The following CLEC6A variants were observed in gnomAD, a reference collection of about 807,000 sequenced individuals.
CLEC6A encodes C-type lectin domain containing 6A.
CLEC6A carries 22 observed loss-of-function variants against 25.7 expected under a neutral mutation model. The observed-to-expected ratio is 0.85, with a 90% CI of 0.61 to 1.22. The LOEUF (loss-of-function observed/expected upper bound fraction) is 1.22. Ranked by LOEUF, CLEC6A falls within the 50% of genes most tolerant of loss-of-function variation. CLEC6A has a pLI of 0.00. For synonymous variants in CLEC6A, 92 were observed against 76.7 expected (o/e 1.20, Z -1.04); for missense variants, 240 against 236.8 (o/e 1.01, Z -0.09).
intron 4 of CLEC6A, among the ~76,000 whole-genome samples, chr12:8,469,230 A>G (rs1356420537): frequency 6.6e-6 from 1 of 152,204 alleles, no homozygotes; most frequent in Non-Finnish European, 1.5e-5. Context: ...TTAACCAAGG[A>G]GGTGAAAGAC....
intron 4 of CLEC6A, among the ~76,000 whole-genome samples, chr12:8,467,241 T>C (rs1939845362): frequency 6.6e-6 from 1 of 152,226 alleles, no homozygotes; most frequent in Non-Finnish European, 1.5e-5. Flanking sequence ...CCCCATGATT[T>C]TGGTTTCATA....
At chr12:8,459,172 T>C (rs4264222) in intron 2 of CLEC6A, among the ~76,000 whole-genome samples, 112,038 of 151,878 alleles carry the variant, frequency 0.74, 42,033 homozygotes, top group East Asian at 0.99. Context: ...TAGGTGTTTG[T>C]GATTAAAAAA....
chr12:8,462,151 A>G (rs372877930), intron 3 of CLEC6A, among the ~76,000 whole-genome samples: 1 of 151,988 alleles, frequency 6.6e-6, no homozygotes, highest in Non-Finnish European at 1.5e-5. Flanking sequence ...TGTTAAACAG[A>G]TGCTTGAAGG....
At chr12:8,458,072 C>T in intron 2 of CLEC6A, 85 bp downstream of exon 2, 1 of 911,934 alleles carries the variant, frequency 1.1e-6, no homozygotes, top group Non-Finnish European at 1.8e-6. Flanking sequence ...TTCTCCTTTG[C>T]CCCATTAATA....
chr12:8,464,418 C>T (rs1939803363), intron 3 of CLEC6A, among the ~76,000 whole-genome samples: 1 of 151,856 alleles, frequency 6.6e-6, no homozygotes, highest in African/African-American at 2.4e-5. Context: ...TAAGCTCCGC[C>T]TCCTGGGTTC....
chr12:8,459,008 C>T (rs1159015256), intron 2 of CLEC6A, among the ~76,000 whole-genome samples: 2 of 152,140 alleles, frequency 1.3e-5, no homozygotes, highest in Non-Finnish European at 2.9e-5. Context: ...GGTTACTTAG[C>T]CCATATGTTT....
chr12:8,475,845 A>G (rs1317601202), intron 4 of CLEC6A, among the ~76,000 whole-genome samples: 1 of 152,166 alleles, frequency 6.6e-6, no homozygotes. Context: ...AAAAAGATTG[A>G]AAACACAAAA....
chr12:8,463,768 C>T (rs1258364810), intron 3 of CLEC6A, among the ~76,000 whole-genome samples: 1 of 152,168 alleles, frequency 6.6e-6, no homozygotes, highest in African/African-American at 2.4e-5. Context: ...TGATTTACAC[C>T]TGCTACTTTC....
rs181189990 is a variant in CLEC6A, at chr12:8,478,117, C to T, written c.*653C>T. ...CTGAGAAATATGTGTTAAGATCTCTCGCTGATTGGGAATTTGTCTATTTCT... is the reference window on the plus strand; with the variant it reads ...CTGAGAAATATGTGTTAAGATCTCTTGCTGATTGGGAATTTGTCTATTTCT... On this transcript the variant is annotated 3_prime_UTR_variant, in exon 6 of 6. Transcript: ENST00000382073. The T allele has an allele frequency of 2.6e-5, 4 of 152,026 alleles. No individual in the cohort carries two copies. Among genetic ancestry groups the T allele is most frequent in the Admixed American group, 1.3e-4 (2 of 15,266 alleles). 9.4% of individuals were successfully genotyped at this position (152,026 alleles called of 1,614,324 possible). A position where few individuals can be genotyped will look rare whatever the true frequency, so the allele number is the denominator to read the frequency against.
At chr12:8,457,818 G>C in intron 1 of CLEC6A, 80 bp from the exon 2 acceptor site, 1 of 976,266 alleles carries the variant, frequency 1.0e-6, no homozygotes, top group Non-Finnish European at 1.7e-6. Context: ...CATCTAGTTT[G>C]TTCATTGTTG....
intron 3 of CLEC6A, chr12:8,461,196 A>AGT: frequency 3.0e-6 from 3 of 990,720 alleles, no homozygotes; most frequent in South Asian, 1.3e-5. Flanking sequence ...CAGATTGGAG[A>AGT]ATGTGCAATA....
chr12:8,464,488 C>G (rs1419515412), intron 3 of CLEC6A, among the ~76,000 whole-genome samples: 1 of 152,104 alleles, frequency 6.6e-6, no homozygotes, highest in Non-Finnish European at 1.5e-5. Context: ...GCCACCACAC[C>G]TGGCTAATTT....
chr12:8,466,826 T>C (rs1378069359), intron 4 of CLEC6A, among the ~76,000 whole-genome samples: 3 of 101,724 alleles, frequency 2.9e-5, no homozygotes, highest in African/African-American at 9.9e-5. Context: ...GGCTAATTTT[T>C]GTATTTTTAG....
intron 3 of CLEC6A, chr12:8,460,622 G>C (rs1247269017): frequency 4.4e-6 from 6 of 1,358,386 alleles, no homozygotes; most frequent in African/African-American, 2.9e-5. Context: ...GTCAAGATGG[G>C]TGCATACAAG....
In CLEC6A at chr12:8,477,549, G is replaced by T; in HGVS notation, c.*85G>T. 2 of 1,050,118 alleles carry T rather than the reference G, an allele frequency of 1.9e-6. No homozygotes were observed. The highest frequency in any genetic ancestry group is 1.7e-5 in the South Asian group (1 of 58,736). The allele number at this position is 1,050,118 out of a possible 1,614,324, so 65.1% of individuals were successfully genotyped here. Reference sequence around the variant, plus strand: ...TTAAAATTGAACCCTATCATGAAATGATAATTTCTTCCTGAATTTACACAT... The same window carrying T: ...TTAAAATTGAACCCTATCATGAAATTATAATTTCTTCCTGAATTTACACAT... On this transcript the variant is annotated 3_prime_UTR_variant, in exon 6 of 6. Coordinates refer to ENST00000382073, the MANE Select transcript of CLEC6A (RefSeq NM_001007033.2).
intron 3 of CLEC6A, among the ~76,000 whole-genome samples, chr12:8,463,134 T>C (rs1326533142): frequency 6.6e-6 from 1 of 152,204 alleles, no homozygotes; most frequent in Non-Finnish European, 1.5e-5. Flanking sequence ...AACTAAAATT[T>C]ACATGATACT....
rs745648028 is a variant in CLEC6A, at chr12:8,477,449, T to A, written c.615T>A (p.Asn205Lys). The A allele has an allele frequency of 6.2e-7, 1 of 1,606,358 alleles. No individual in the cohort carries two copies. The highest frequency in any genetic ancestry group is 1.7e-5 in the Admixed American group (1 of 58,954). The change falls in exon 6 of 6, where the codon AAT (asparagine) becomes AAA (lysine). Residue 205 changes from asparagine to lysine, a missense_variant. By Grantham distance (94) the Asn-to-Lys change is moderately conservative. Transcript: ENST00000382073. Reference sequence around the variant, plus strand: ...GAAGGAATTCAATATGTGAGATGAATAAGATTTACCTATGAGTAGAAGCTT... The same window carrying A: ...GAAGGAATTCAATATGTGAGATGAAAAAGATTTACCTATGAGTAGAAGCTT... ...ETRRNSICEM[N>K]KIYL
chr12:8,456,480 A>G (rs951488092), intron 1 of CLEC6A, among the ~76,000 whole-genome samples: 8 of 152,186 alleles, frequency 5.3e-5, no homozygotes, highest in Non-Finnish European at 1.0e-4. Context: ...TCCAGGAAGC[A>G]GTACTCTTTC....
chr12:8,465,494 T>C lies in CLEC6A; in HGVS notation c.234T>C (p.Cys78=), dbSNP rs761524536. ...SEGTKVPAWG[C]CPASWKSFGS... is the part of the protein sequence containing the mutation. ...GTAACACAAAAATAGCCTGGGGATG[T>C]TGCCCAGCTTCTTGGAAGTCATTTG... is the stretch of plus-strand genomic sequence containing the variant. Residue 78 remains cysteine (C), a synonymous_variant, in exon 4 of 6, where the codon TGT becomes TGC. Transcript: ENST00000382073. 6.2e-6 allele frequency: 10 copies of C among 1,613,966 alleles called. No individual in the cohort carries two copies. Among genetic ancestry groups the C allele is most frequent in the Non-Finnish European group, 8.5e-6 (10 of 1,179,996 alleles).
Sources: allele counts gnomAD v4.1 joint callset (sites outside exome capture counted in the v4.1 genomes callset), GRCh38; gene constraint gnomAD v4.1.1; transcripts MANE v1.5; gene names NCBI Gene and HGNC (gene_info 2026-07-23, HGNC 2026-07-21).